Variants in DNAH7 observed in about 807,000 individuals in gnomAD.
DNAH7 encodes axonemal beta dynein heavy chain 7.
In DNAH7, 397 loss-of-function variants were observed where a neutral mutation model predicts 444.6. That is an observed-to-expected ratio of 0.89 (90% CI 0.82 to 0.97). DNAH7 has a LOEUF of 0.97. Ranked by LOEUF, DNAH7 falls within the 50% of genes least tolerant of loss-of-function variation. DNAH7 has a pLI of 0.00. For missense variants in DNAH7, 4,902 were observed against 4,800.8 expected (o/e 1.02, Z -0.62); for synonymous variants, 1,636 against 1,624.4 (o/e 1.01, Z -0.17).
At chr2:195,847,980 C>A (rs934130848) in intron 46 of DNAH7, among the ~76,000 whole-genome samples, 8 of 152,110 alleles carry the variant, frequency 5.3e-5, no homozygotes, top group African/African-American at 1.9e-4. Context: ...AAGTCAGTAT[C>A]CAAGTTGAGT....
chr2:195,799,956 T>C (rs912283604), intron 54 of DNAH7, among the ~76,000 whole-genome samples: 1 of 152,180 alleles, frequency 6.6e-6, no homozygotes, highest in African/African-American at 2.4e-5. Context: ...CAAAACTATG[T>C]TGTGTAGAAT....
chr2:195,880,330 CTTTTT>C (rs1042876508), intron 36 of DNAH7, among the ~76,000 whole-genome samples: 1 of 136,682 alleles, frequency 7.3e-6, no homozygotes, highest in Non-Finnish European at 1.6e-5. Context: ...CTTTCTTTTT[CTTTTT>C]TTTTTTTTTT....
intron 19 of DNAH7, among the ~76,000 whole-genome samples, chr2:195,940,320 A>G (rs2125432136): frequency 6.6e-6 from 1 of 152,352 alleles, no homozygotes; most frequent in African/African-American, 2.4e-5. Context: ...GGCTAGCCAC[A>G]TGCAGAAAAC....
At chr2:195,833,780 G>C (rs909133846) in intron 48 of DNAH7, among the ~76,000 whole-genome samples, 13 of 151,738 alleles carry the variant, frequency 8.6e-5, no homozygotes, top group Admixed American at 3.9e-4. Context: ...TTTTGAGATG[G>C]AGTCTCGCTC....
intron 50 of DNAH7, 21 bp from the exon 51 acceptor site, chr2:195,816,984 C>T: frequency 6.5e-7 from 1 of 1,527,256 alleles, no homozygotes; most frequent in Non-Finnish European, 8.8e-7. Context: ...ACAAAATTTT[C>T]TTAGAAGAAA....
chr2:195,836,521 A>T (rs1481512576), intron 47 of DNAH7, among the ~76,000 whole-genome samples: 1 of 151,800 alleles, frequency 6.6e-6, no homozygotes, highest in Non-Finnish European at 1.5e-5. Context: ...GAAAGGCTCT[A>T]TCTCCAAATA....
intron 31 of DNAH7, among the ~76,000 whole-genome samples, chr2:195,889,576 A>G (rs965164611): frequency 1.3e-4 from 20 of 152,134 alleles, no homozygotes; most frequent in Non-Finnish European, 2.6e-4. Context: ...TTGCCCCCAC[A>G]AAGTGCTGGG....
In DNAH7 at chr2:195,884,809, C is replaced by A. The variant is rs780786967; in HGVS notation, c.5539G>T (p.Gly1847Cys). 3 of 1,609,762 alleles carry A rather than the reference C, an allele frequency of 1.9e-6. No individual in the cohort carries two copies. The highest frequency in any genetic ancestry group is 2.5e-6 in the Non-Finnish European group (3 of 1,177,768). ...NDRETYSLLE[G>C]IFLFSLIWSV... ...CAGATCAATGAAAACAGAAAAATGC[C>A]CTGCATTGGACAGATGAGAAGATTA... The change falls in exon 35 of 65, where the codon GGC (glycine) becomes TGC (cysteine). Residue 1847 changes from glycine (G) to cysteine (C), a missense_variant and splice_region_variant. Gly to Cys is a radical substitution (Grantham distance 159). Coordinates refer to ENST00000312428, the MANE Select transcript of DNAH7 (RefSeq NM_018897.3).
Position 195,960,828 on chromosome 2 carries a change from C to T in DNAH7, c.2323G>A (p.Glu775Lys), listed in dbSNP as rs769106832. The change falls in exon 18 of 65, where the codon GAA becomes AAA. Residue 775 changes from glutamate (E) to lysine (K), a missense_variant. Physicochemically the swap from Glu to Lys is moderately conservative, Grantham distance 56 (BLOSUM62 1). Coordinates refer to ENST00000312428, the MANE Select transcript of DNAH7 (RefSeq NM_018897.3). ...CATGCTCTATAGTTGCTGCTAAATT[C>T]GACAGCAGTTTCATAAAGACGAAGA... ...PYLRLYETAV[E>K]FSSNYRAWTE... 20 of 1,613,910 alleles carry T rather than the reference C, an allele frequency of 1.2e-5. No individual in the cohort carries two copies. The highest frequency in any genetic ancestry group is 8.9e-5 in the East Asian group (4 of 44,888).
intron 21 of DNAH7, among the ~76,000 whole-genome samples, chr2:195,931,755 G>C (rs1222343053): frequency 6.6e-6 from 1 of 152,120 alleles, no homozygotes; most frequent in Non-Finnish European, 1.5e-5. Context: ...TTATTTCTGA[G>C]GGCTCTGTTC....
intron 8 of DNAH7, among the ~76,000 whole-genome samples, chr2:196,023,007 T>TTTGTATATAGTTTGTATA (rs1695471786): frequency 1.3e-5 from 2 of 152,286 alleles, no homozygotes; most frequent in Non-Finnish European, 2.9e-5. Flanking sequence ...GCCAGCACAG[T>TTTGTATATAGTTTGTATA]CCCTGATATA....
chr2:195,947,515 C>A (rs1324645484), intron 19 of DNAH7, among the ~76,000 whole-genome samples: 2 of 152,080 alleles, frequency 1.3e-5, no homozygotes, highest in Non-Finnish European at 2.9e-5. Context: ...CATTGTTCTA[C>A]TCCCATTTAT....
At chr2:195,749,867 G>C (rs986701950) in intron 63 of DNAH7, among the ~76,000 whole-genome samples, 1 of 151,454 alleles carries the variant, frequency 6.6e-6, no homozygotes, top group Non-Finnish European at 1.5e-5. Context: ...AGCTTTAGGA[G>C]ATATACCTAA....
chr2:195,878,467 G>GT (rs1279467995), intron 36 of DNAH7, among the ~76,000 whole-genome samples: 1 of 152,062 alleles, frequency 6.6e-6, no homozygotes, highest in African/African-American at 2.4e-5. Flanking sequence ...GGGTGTGGTG[G>GT]TGCATGCCTG....
At chr2:195,954,475 C>T (rs1163219042) in intron 19 of DNAH7, among the ~76,000 whole-genome samples, 1 of 152,166 alleles carries the variant, frequency 6.6e-6, no homozygotes, top group Non-Finnish European at 1.5e-5. Flanking sequence ...GTGAATAGTG[C>T]CACAATAAAC....
Position 195,810,863 on chromosome 2 carries a change from T to C in DNAH7, c.9762-992A>G, listed in dbSNP as rs139271322. On this transcript the variant is annotated intron_variant, in intron 51 of 64. Coordinates refer to ENST00000312428, the MANE Select transcript of DNAH7 (RefSeq NM_018897.3). ...TCCCCATTATTATGCTAATAGGTTGTCTTTTCATGCATGGCATTGAATTTG... is the reference window on the plus strand; with the variant it reads ...TCCCCATTATTATGCTAATAGGTTGCCTTTTCATGCATGGCATTGAATTTG... Among the ~76,000 whole-genome samples, 101 of 152,310 alleles carry C rather than the reference T, an allele frequency of 6.6e-4. No individual in the cohort carries two copies. The Middle Eastern group carries it at 0.01, about 15-fold the overall frequency.
At chr2:195,817,359 C>A (rs1337478740) in intron 50 of DNAH7, among the ~76,000 whole-genome samples, 1 of 152,178 alleles carries the variant, frequency 6.6e-6, no homozygotes, top group Non-Finnish European at 1.5e-5. Flanking sequence ...GCAACATATT[C>A]ATTCATACCA....
intron 24 of DNAH7, 85 bp from the exon 25 acceptor site, chr2:195,910,280 G>T: frequency 8.6e-7 from 1 of 1,159,042 alleles, no homozygotes; most frequent in Non-Finnish European, 1.2e-6. Context: ...AGGTTAAATT[G>T]AGAACCAAAC....
chr2:195,972,097 A>T, intron 16 of DNAH7, 145 bp downstream of exon 16: 2 of 664,510 alleles, frequency 3.0e-6, no homozygotes, highest in South Asian at 2.0e-5. Flanking sequence ...ACTGTCTCCC[A>T]CTAATATTTA....
Sources: allele counts gnomAD v4.1 joint callset (sites outside exome capture counted in the v4.1 genomes callset), GRCh38; gene constraint gnomAD v4.1.1; transcripts MANE v1.5; gene names NCBI Gene and HGNC (gene_info 2026-07-23, HGNC 2026-07-21).